The following WIPI2 variants were observed in gnomAD, a reference collection of about 807,000 sequenced individuals.
The protein encoded by WIPI2 is WD repeat domain, phosphoinositide interacting 2.
In WIPI2, 28 loss-of-function variants were observed where a neutral mutation model predicts 52.3. The ratio of observed to expected loss-of-function variants is 0.54; its 90% CI spans 0.40 to 0.73. The LOEUF (loss-of-function observed/expected upper bound fraction) is 0.73, where lower values mean the gene tolerates loss of function less well. Among genes scored for constraint, WIPI2 ranks in the 30% least tolerant of loss-of-function variants. WIPI2 has a pLI of 0.00. For missense variants in WIPI2, 506 were observed against 602.9 expected, an observed-to-expected ratio of 0.84 and a Z score of 1.68; for synonymous variants, 268 against 245.0, an observed-to-expected ratio of 1.09 and a Z score of -0.88.
chr7:5,198,890 C>T (rs1324102477), intron 2 of WIPI2, among the ~76,000 whole-genome samples: 1 of 152,168 alleles, frequency 6.6e-6, no homozygotes, highest in Non-Finnish European at 1.5e-5. Context: ...ATTAACATAT[C>T]TATCACCTCA....
intron 3 of WIPI2, among the ~76,000 whole-genome samples, chr7:5,211,138 G>A (rs980045892): frequency 2.0e-5 from 3 of 152,182 alleles, no homozygotes; most frequent in African/African-American, 4.8e-5. Flanking sequence ...ACGTTGCCCT[G>A]TGTGACCTCA....
At chr7:5,192,778 C>G (rs1781542669) in intron 1 of WIPI2, among the ~76,000 whole-genome samples, 1 of 152,162 alleles carries the variant, frequency 6.6e-6, no homozygotes, top group Non-Finnish European at 1.5e-5. Context: ...ATGGCTTATA[C>G]CTTTTCCTCC....
chr7:5,214,415 C>T, intron 3 of WIPI2, 120 bp from the exon 4 acceptor site: 1 of 1,610,120 alleles, frequency 6.2e-7, no homozygotes, highest in Non-Finnish European at 8.5e-7. Context: ...GTTCCGCAGG[C>T]ACCCTCAGCG....
In WIPI2 at chr7:5,232,000, G is replaced by T. The variant is rs527239791; in HGVS notation, c.*1053G>T. 1 of 390,028 alleles carries T rather than the reference G, an allele frequency of 2.6e-6. No individual in the cohort carries two copies. The highest frequency in any genetic ancestry group is 3.6e-5 in the East Asian group (1 of 27,686). 24.2% of individuals were successfully genotyped at this position (390,028 alleles called of 1,614,324 possible). A position where few individuals can be genotyped will look rare whatever the true frequency, so the allele number is the denominator to read the frequency against. ...CCTCAGCAAACCGATGAGAGATTGTGGTTGCAAGCTTCAGTATTTGCCTCG... is the reference window on the plus strand; with the variant it reads ...CCTCAGCAAACCGATGAGAGATTGTTGTTGCAAGCTTCAGTATTTGCCTCG... On this transcript the variant is annotated 3_prime_UTR_variant, in exon 13 of 13. Coordinates refer to ENST00000288828, the MANE Select transcript of WIPI2 (RefSeq NM_015610.4).
rs1783829732 is a variant in WIPI2, at chr7:5,233,576, A to C, written c.*2629A>C. On this transcript the variant is annotated 3_prime_UTR_variant, in exon 13 of 13. Coordinates refer to ENST00000288828, the MANE Select transcript of WIPI2 (RefSeq NM_015610.4). ...TGGGACCAAACCTTCTGTAATCTCTAAAACAATGGGACCAAGAGCTGGATG... is the reference window on the plus strand; with the variant it reads ...TGGGACCAAACCTTCTGTAATCTCTCAAACAATGGGACCAAGAGCTGGATG... 6.5e-6 allele frequency: 1 copy of C among 152,676 alleles called. No homozygotes were observed. The highest frequency in any genetic ancestry group is 1.5e-5 in the Non-Finnish European group (1 of 68,084). 9.5% of individuals were successfully genotyped at this position (152,676 alleles called of 1,614,324 possible).
At chr7:5,200,682 C>T (rs573607522) in intron 3 of WIPI2, among the ~76,000 whole-genome samples, 90 of 152,268 alleles carry the variant, frequency 5.9e-4, no homozygotes, top group Non-Finnish European at 1.1e-3. Context: ...GTGCTGGTGA[C>T]TTTTAATTAT....
rs560104125 is a variant in WIPI2, at chr7:5,231,886, G to A, written c.*939G>A. On this transcript the variant is annotated 3_prime_UTR_variant, in exon 13 of 13. Transcript: ENST00000288828. Reference sequence around the variant, plus strand: ...GGGCTTCCTACCTGTGTGAGAGGTCGTAGCGGGAGACAGCAACAGAGAGTA... The same window carrying A: ...GGGCTTCCTACCTGTGTGAGAGGTCATAGCGGGAGACAGCAACAGAGAGTA... 36 of 272,012 alleles carry A rather than the reference G, an allele frequency of 1.3e-4. No individual in the cohort carries two copies. The highest frequency in any genetic ancestry group is 7.0e-4 in the African/African-American group (32 of 45,874). 16.8% of individuals were successfully genotyped at this position (272,012 alleles called of 1,614,324 possible). A position where few individuals can be genotyped will look rare whatever the true frequency, so the allele number is the denominator to read the frequency against.
Position 5,230,765 on chromosome 7 carries a change from C to T in WIPI2, c.1253-70C>T, listed in dbSNP as rs1783689490. On this transcript the variant is annotated intron_variant, in intron 12 of 12. Coordinates refer to ENST00000288828, the MANE Select transcript of WIPI2 (RefSeq NM_015610.4). This position sits in a 1 kb window ranked among gnomAD's most constrained non-coding sequence, Gnocchi z 4.8. ...ACACCAGTGTTTCCAAAACACAGTC[C>T]TCAGTGTGTGTCATGGGGTCTGTGG... 1 of 1,170,358 alleles carries T rather than the reference C, an allele frequency of 8.5e-7. No homozygotes were observed. The highest frequency in any genetic ancestry group is 2.4e-5 in the Admixed American group (1 of 42,536). 72.5% of individuals were successfully genotyped at this position (1,170,358 alleles called of 1,614,324 possible).
intron 2 of WIPI2, among the ~76,000 whole-genome samples, chr7:5,198,942 T>C (rs1781883032): frequency 1.3e-5 from 2 of 152,210 alleles, no homozygotes; most frequent in Admixed American, 6.5e-5. Flanking sequence ...AGATCTGCTG[T>C]CTCAGCAAAT....
At chr7:5,219,466 T>C (rs1017590998) in intron 7 of WIPI2, among the ~76,000 whole-genome samples, 1 of 150,036 alleles carries the variant, frequency 6.7e-6, no homozygotes, top group African/African-American at 2.5e-5. Flanking sequence ...TTTTTTTTTC[T>C]GGACTATAAA....
At chr7:5,203,747 C>G (rs1782150544) in intron 3 of WIPI2, among the ~76,000 whole-genome samples, 1 of 150,918 alleles carries the variant, frequency 6.6e-6, no homozygotes, top group Non-Finnish European at 1.5e-5. Flanking sequence ...ATTCTCCTGC[C>G]TCAGCCTCCC....
chr7:5,228,015 TTCC>T, intron 10 of WIPI2, 86 bp from the exon 11 acceptor site: 5 of 1,292,646 alleles, frequency 3.9e-6, no homozygotes, highest in Non-Finnish European at 4.4e-6. Context: ...TGGGGTCTCT[TTCC>T]TCGCCTGCCA....
chr7:5,197,111 C>CAAAAAAA (rs1562384541), intron 2 of WIPI2, among the ~76,000 whole-genome samples: 1 of 56,428 alleles, frequency 1.8e-5, no homozygotes, highest in Non-Finnish European at 2.9e-5. Flanking sequence ...GACTCCGTCT[C>CAAAAAAA]AAAAAACAAA....
At chr7:5,214,373 A>AC in intron 3 of WIPI2, 162 bp from the exon 4 acceptor site, 1 of 1,595,434 alleles carries the variant, frequency 6.3e-7, no homozygotes, top group Non-Finnish European at 8.5e-7. Context: ...AGACCCTCAG[A>AC]CCCCCGGGCT....
chr7:5,206,966 A>G (rs886380795), intron 3 of WIPI2, among the ~76,000 whole-genome samples: 5 of 152,022 alleles, frequency 3.3e-5, no homozygotes, highest in African/African-American at 9.7e-5. Flanking sequence ...TTTTGTAGGG[A>G]CACGATCTTG....
chr7:5,219,470 C>T (rs1782982140), intron 7 of WIPI2, among the ~76,000 whole-genome samples: 2 of 150,716 alleles, frequency 1.3e-5, no homozygotes, highest in African/African-American at 4.9e-5. Context: ...TTTTTCTGGA[C>T]TATAAAGAGG....
chr7:5,199,469 G>GCA, intron 2 of WIPI2, 107 bp from the exon 3 acceptor site: 1 of 853,170 alleles, frequency 1.2e-6, no homozygotes, highest in South Asian at 1.6e-5. Flanking sequence ...TTTGTGGAGG[G>GCA]CACGCGGGGA....
At chr7:5,219,400 C>A (rs1248511916) in intron 7 of WIPI2, among the ~76,000 whole-genome samples, 2 of 152,150 alleles carry the variant, frequency 1.3e-5, no homozygotes, top group African/African-American at 4.8e-5. Flanking sequence ...TCTTTAGTAG[C>A]TCTTATAAAG....
intron 6 of WIPI2, 23 bp from the exon 7 acceptor site, chr7:5,217,899 C>G (rs1440367806): frequency 3.1e-6 from 5 of 1,613,712 alleles, no homozygotes; most frequent in East Asian, 2.2e-5. Context: ...GGTGGCCACT[C>G]TTTATTGGTG....
Sources: allele counts gnomAD v4.1 joint callset (sites outside exome capture counted in the v4.1 genomes callset), GRCh38; gene constraint gnomAD v4.1.1; non-coding constraint Gnocchi (gnomAD v3.1); transcripts MANE v1.5; gene names NCBI Gene and HGNC (gene_info 2026-07-23, HGNC 2026-07-21).